NCKAP5: variants seen among roughly 807,000 people sequenced by gnomAD.
NCKAP5 encodes the protein nck-associated protein 5.
In NCKAP5, 92 loss-of-function variants were observed where a neutral mutation model predicts 167.0. The observed-to-expected ratio is 0.55, with a 90% CI of 0.47 to 0.66. The LOEUF (loss-of-function observed/expected upper bound fraction) is 0.66. Ranked by LOEUF, NCKAP5 falls within the 30% of genes least tolerant of loss-of-function variation. The probability of loss-of-function intolerance (pLI) is 0.00; values close to 1 mark genes in which losing one functional copy is unlikely to be tolerated. For synonymous variants in NCKAP5, 891 were observed against 877.4 expected, an observed-to-expected ratio of 1.02 and a Z score of -0.27; for missense variants, 2,378 against 2,315.0, an observed-to-expected ratio of 1.03 and a Z score of -0.56.
intron 8 of NCKAP5, among the ~76,000 whole-genome samples, chr2:132,961,544 A>C (rs1167931082): frequency 6.6e-6 from 1 of 152,140 alleles, no homozygotes; most frequent in Non-Finnish European, 1.5e-5. Context: ...TATGAATTAA[A>C]ATAGTGGGTC....
At chr2:133,434,013 T>G (rs1690319530) in intron 3 of NCKAP5, 1 of 152,144 alleles carries the variant, frequency 6.6e-6, no homozygotes, top group Non-Finnish European at 1.5e-5. Flanking sequence ...CCAGTTAAGT[T>G]TGGTATTATT....
rs200349470 is a variant in NCKAP5, at chr2:132,784,930, T to C, written c.1881A>G (p.Leu627=). ...LDVLVGFGKS[L]CGSPEEEEKQ... ...TTTCCTCCTCTTCAGGAGACCCACA[T>C]AGAGATTTTCCAAACCCCACAAGGA... is the stretch of plus-strand genomic sequence containing the variant. Residue 627 remains leucine, a synonymous_variant, in exon 14 of 20, where the codon CTA becomes CTG. Coordinates refer to ENST00000409261, the MANE Select transcript of NCKAP5 (RefSeq NM_207363.3). 147 of 1,597,140 alleles carry C rather than the reference T, an allele frequency of 9.2e-5. No homozygotes were observed. In the Middle Eastern group the frequency reaches 2.5e-3, roughly 27 times the overall value.
chr2:133,103,617 G>T (rs2081588205), intron 6 of NCKAP5, among the ~76,000 whole-genome samples: 1 of 152,110 alleles, frequency 6.6e-6, no homozygotes, highest in Non-Finnish European at 1.5e-5. Flanking sequence ...AAGACAGCAA[G>T]ACCCTGTCTC....
chr2:132,855,039 T>C (rs979176480), intron 11 of NCKAP5, among the ~76,000 whole-genome samples: 5 of 152,132 alleles, frequency 3.3e-5, no homozygotes, highest in African/African-American at 1.2e-4. Context: ...AAAAATCACA[T>C]CTTGCCATAA....
chr2:133,509,006 C>T (rs1406402115), intron 3 of NCKAP5, among the ~76,000 whole-genome samples: 1 of 152,232 alleles, frequency 6.6e-6, no homozygotes, highest in Non-Finnish European at 1.5e-5. Context: ...ACCTCTGATG[C>T]TGGCAGACAA....
chr2:133,555,727 C>T (rs11695364), intron 2 of NCKAP5, among the ~76,000 whole-genome samples: 41,204 of 152,040 alleles, frequency 0.27, 6,136 homozygotes, highest in East Asian at 0.38. Flanking sequence ...GGCATTAGAT[C>T]TGAGATACTC....
chr2:132,990,345 G>A (rs1385339268), intron 7 of NCKAP5, among the ~76,000 whole-genome samples: 1 of 152,136 alleles, frequency 6.6e-6, no homozygotes, highest in African/African-American at 2.4e-5. Context: ...TATAAACTGA[G>A]CATTTCAGGA....
intron 3 of NCKAP5, among the ~76,000 whole-genome samples, chr2:133,508,088 G>A (rs1460700857): frequency 6.6e-6 from 1 of 152,164 alleles, no homozygotes; most frequent in African/African-American, 2.4e-5. Context: ...TGTTAATAGA[G>A]GAGTCAGGAG....
chr2:132,994,769 T>G (rs948598400), intron 6 of NCKAP5, among the ~76,000 whole-genome samples: 24 of 152,190 alleles, frequency 1.6e-4, no homozygotes, highest in African/African-American at 5.8e-4. Flanking sequence ...AATGCATCAT[T>G]AGGTGATTTT....
intron 5 of NCKAP5, among the ~76,000 whole-genome samples, chr2:133,192,414 C>T (rs555608206): frequency 1.3e-5 from 2 of 151,948 alleles, no homozygotes; most frequent in Admixed American, 6.6e-5. Flanking sequence ...TGGGCATCAT[C>T]GAAATGAAAA....
At chr2:133,353,335 C>A (rs1323833538) in intron 3 of NCKAP5, among the ~76,000 whole-genome samples, 1 of 152,102 alleles carries the variant, frequency 6.6e-6, no homozygotes, top group Non-Finnish European at 1.5e-5. Context: ...ACCTTAGAGA[C>A]CCTCTGCTCC....
chr2:133,125,574 T>C (rs2082377412), intron 6 of NCKAP5, among the ~76,000 whole-genome samples: 2 of 152,156 alleles, frequency 1.3e-5, no homozygotes, highest in African/African-American at 4.8e-5. Context: ...AAACAATCAC[T>C]TTCACATCTG....
At chr2:133,659,540 C>T in the NCKAP5 span, among the ~76,000 whole-genome samples, 1 of 151,936 alleles carries the variant, frequency 6.6e-6, no homozygotes, top group East Asian at 1.9e-4. Flanking sequence ...CAAAGGATAC[C>T]ATCAAGAACA....
At chr2:133,210,107 G>A (rs1170028941) in intron 5 of NCKAP5, among the ~76,000 whole-genome samples, 1 of 151,524 alleles carries the variant, frequency 6.6e-6, no homozygotes, top group African/African-American at 2.4e-5. Context: ...AGAGGTCGCA[G>A]TGAGCCGAGA....
At chr2:133,189,875 G>A (rs926852726) in intron 5 of NCKAP5, among the ~76,000 whole-genome samples, 1 of 152,120 alleles carries the variant, frequency 6.6e-6, no homozygotes, top group African/African-American at 2.4e-5. Flanking sequence ...AGACAGGGAT[G>A]CCCTCTCTCA....
At chr2:132,678,941 G>A (rs1473674620) in intron 19 of NCKAP5, among the ~76,000 whole-genome samples, 2 of 152,044 alleles carry the variant, frequency 1.3e-5, no homozygotes, top group Non-Finnish European at 2.9e-5. Context: ...AGTCTATAAA[G>A]CTCTGTGACT....
At chr2:133,441,627 C>A (rs1574961942) in intron 3 of NCKAP5, among the ~76,000 whole-genome samples, 1 of 152,246 alleles carries the variant, frequency 6.6e-6, no homozygotes, top group East Asian at 1.9e-4. Context: ...GTGAACTCAG[C>A]AACAAAATGA....
intron 19 of NCKAP5, among the ~76,000 whole-genome samples, chr2:132,722,933 C>A (rs1690069420): frequency 1.3e-5 from 2 of 152,130 alleles, no homozygotes; most frequent in South Asian, 4.2e-4. Context: ...CTCCCACCTT[C>A]CTCTCCCGAG....
intron 6 of NCKAP5, among the ~76,000 whole-genome samples, chr2:133,010,103 A>G (rs1228350503): frequency 6.6e-6 from 1 of 151,932 alleles, no homozygotes; most frequent in Non-Finnish European, 1.5e-5. Context: ...AAAAAAACAA[A>G]CAGAGGCTCT....
Sources: gnomAD v4.1 joint callset for allele counts (sites outside exome capture counted in the v4.1 genomes callset) on GRCh38, gnomAD v4.1.1 for gene constraint, MANE v1.5 for transcripts, NCBI Gene and HGNC (gene_info 2026-07-23, HGNC 2026-07-21) for gene names.